Variants in SEPTIN14 observed in about 807,000 individuals in gnomAD.
SEPTIN14 encodes the protein septin 14.
In SEPTIN14, 40 loss-of-function variants were observed where a neutral mutation model predicts 53.6. That is an observed-to-expected ratio of 0.75 (90% CI 0.58 to 0.97). The LOEUF (loss-of-function observed/expected upper bound fraction) is 0.97. SEPTIN14 is among the 50% of genes least tolerant of loss of function. The pLI is 0.00. For missense variants in SEPTIN14, 471 were observed against 508.2 expected (o/e 0.93, Z 0.70); for synonymous variants, 138 against 166.8 (o/e 0.83, Z 1.33).
At chr7:55,823,299 C>T (rs1012979125) in intron 6 of SEPTIN14, among the ~76,000 whole-genome samples, 1 of 152,104 alleles carries the variant, frequency 6.6e-6, no homozygotes, top group Non-Finnish European at 1.5e-5. Flanking sequence ...ACTCACAAAC[C>T]AATCAGCATG....
intron 6 of SEPTIN14, among the ~76,000 whole-genome samples, chr7:55,833,600 T>C (rs1008381047): frequency 2.6e-5 from 4 of 151,188 alleles, no homozygotes; most frequent in Non-Finnish European, 4.4e-5. Flanking sequence ...CCCAGCTACT[T>C]GGGAGGCTGA....
At chr7:55,854,246 T>C (rs1789568923) in intron 2 of SEPTIN14, among the ~76,000 whole-genome samples, 1 of 152,146 alleles carries the variant, frequency 6.6e-6, no homozygotes. Context: ...GAATACCCAT[T>C]TGTGATTTTT....
At chr7:55,811,129 C>G (rs1314891024) in intron 7 of SEPTIN14, 1 of 481,494 alleles carries the variant, frequency 2.1e-6, no homozygotes. Context: ...GCGGTGATAT[C>G]CAGGTCAGCT....
At chr7:55,846,141 G>T (rs1474678164) in intron 3 of SEPTIN14, among the ~76,000 whole-genome samples, 1 of 131,872 alleles carries the variant, frequency 7.6e-6, no homozygotes, top group African/African-American at 2.8e-5. Flanking sequence ...AATGGAAAAA[G>T]AAAGTATATA....
Position 55,807,130 on chromosome 7 carries a change from T to A in SEPTIN14, c.946A>T (p.Met316Leu), listed in dbSNP as rs752678358. The change falls in exon 8 of 10, where the codon ATG becomes TTG. Residue 316 changes from methionine (M) to leucine (L), a missense_variant. Met to Leu is a conservative substitution (Grantham distance 15). Transcript: ENST00000388975. ...TTTGGACCCACATCTGTAAAGCCCA[T>A]TTTCTGCAGTTTTTGGTACCTATAA... is the stretch of plus-strand genomic sequence containing the variant. ...ECYRYQKLQK[M>L]GFTDVGPNNQ... 6.2e-7 allele frequency: 1 copy of A among 1,604,168 alleles called. No homozygotes were observed. Among genetic ancestry groups the A allele is most frequent in the Non-Finnish European group, 8.5e-7 (1 of 1,177,290 alleles).
At chr7:55,829,709 A>G (rs1313010560) in intron 6 of SEPTIN14, among the ~76,000 whole-genome samples, 1 of 151,056 alleles carries the variant, frequency 6.6e-6, no homozygotes, top group African/African-American at 2.4e-5. Flanking sequence ...CAAGTCTGCA[A>G]CAAAAAATGG....
Position 55,843,077 on chromosome 7 carries a change from T to C in SEPTIN14, c.423A>G (p.Gln141=). ...AGGAACGTTTAATCTTCAGTTCTTC[T>C]TGAAGATAGGCCTCAAATTGGGCAT... ...YIDAQFEAYL[Q]EELKIKRSLF... The change falls in exon 5 of 10, where the codon CAA becomes CAG. Residue 141 remains glutamine, a synonymous_variant. Transcript: ENST00000388975. 1.9e-6 allele frequency: 3 copies of C among 1,606,392 alleles called. No homozygotes were observed. The highest frequency in any genetic ancestry group is 1.1e-5 in the South Asian group (1 of 89,088).
intron 2 of SEPTIN14, among the ~76,000 whole-genome samples, chr7:55,853,623 C>T (rs750318212): frequency 3.3e-5 from 5 of 151,804 alleles, no homozygotes; most frequent in Non-Finnish European, 5.9e-5. Flanking sequence ...CACAACAGGG[C>T]GACTATAGTC....
chr7:55,844,652 T>C lies in SEPTIN14; in HGVS notation c.242A>G (p.Lys81Arg), dbSNP rs185819537. The part of the protein sequence containing the change: ...TLFNTNLKDN[K>R]SSHFYSNVGL... ...AACATTTGAGTAAAAATGTGAGGATTTGTTATCTTTCAAGTTAGTATTAAA... is the reference window on the plus strand; with the variant it reads ...AACATTTGAGTAAAAATGTGAGGATCTGTTATCTTTCAAGTTAGTATTAAA... Residue 81 changes from lysine to arginine, a missense_variant, in exon 4 of 10, where the codon AAA (lysine) becomes AGA (arginine). By Grantham distance (26) the Lys-to-Arg change is conservative. Coordinates refer to ENST00000388975, the MANE Select transcript of SEPTIN14 (RefSeq NM_207366.3). The C allele has an allele frequency of 2.1e-3, 3,392 of 1,610,928 alleles. 4 individuals are homozygous for C. Among genetic ancestry groups the C allele is most frequent in the Non-Finnish European group, 2.6e-3 (3,054 of 1,177,534 alleles).
chr7:55,829,721 C>T (rs1562713075), intron 6 of SEPTIN14, among the ~76,000 whole-genome samples: 1 of 144,728 alleles, frequency 6.9e-6, no homozygotes, highest in African/African-American at 2.5e-5. Context: ...AAAAAATGGC[C>T]TCTTCCAGAG....
rs1357254961 is a variant in SEPTIN14, at chr7:55,846,636, T to C, written c.56A>G (p.Gln19Arg). ...PTQIPADGDT[Q>R]KENNIRCLTT... Reference sequence around the variant, plus strand: ...TAAACAACGAATATTATTTTCTTTTTGCTTAAATAAAACAAAAATTTAGAG... The same window carrying C: ...TAAACAACGAATATTATTTTCTTTTCGCTTAAATAAAACAAAAATTTAGAG... The change falls in exon 3 of 10, where the codon CAA becomes CGA. Residue 19 changes from glutamine (Q) to arginine (R), a missense_variant and splice_region_variant. By Grantham distance (43) the Gln-to-Arg change is conservative. Coordinates refer to ENST00000388975, the MANE Select transcript of SEPTIN14 (RefSeq NM_207366.3). 1.4e-6 allele frequency: 2 copies of C among 1,459,632 alleles called. No homozygotes were observed. The highest frequency in any genetic ancestry group is 4.6e-5 in the East Asian group (2 of 43,744). 90.4% of individuals were successfully genotyped at this position (1,459,632 alleles called of 1,614,324 possible).
chr7:55,812,214 C>T (rs1484758681), intron 7 of SEPTIN14, among the ~76,000 whole-genome samples: 2 of 152,070 alleles, frequency 1.3e-5, no homozygotes, highest in Non-Finnish European at 2.9e-5. Flanking sequence ...AATCTAAATG[C>T]CCATCAACAA....
intron 6 of SEPTIN14, among the ~76,000 whole-genome samples, chr7:55,819,818 C>T: frequency 6.6e-6 from 1 of 152,112 alleles, no homozygotes. Flanking sequence ...TCATTTTTCT[C>T]ACACTATGTT....
intron 5 of SEPTIN14, among the ~76,000 whole-genome samples, chr7:55,837,025 T>G (rs553266725): frequency 6.6e-6 from 1 of 151,900 alleles, no homozygotes; most frequent in African/African-American, 2.4e-5. Context: ...TAGGGCTGAG[T>G]GCAGAAAAGA....
Position 55,860,742 on chromosome 7 carries a change from A to G in SEPTIN14, c.54+1201T>C, listed in dbSNP as rs576364451. Among the ~76,000 whole-genome samples, 5 of 152,290 alleles carry G rather than the reference A, an allele frequency of 3.3e-5. No homozygotes were observed. In the East Asian group the frequency reaches 7.7e-4, roughly 23 times the overall value. The stretch of plus-strand genomic sequence containing the variant: ...TAGGTCATATGGCTCCACCCACATG[A>G]ATAGGACTAGTGCTTTTATAACAGA... On this transcript the variant is annotated intron_variant, in intron 2 of 9. Coordinates refer to ENST00000388975, the MANE Select transcript of SEPTIN14 (RefSeq NM_207366.3).
chr7:55,816,176 G>A (rs553771032), intron 7 of SEPTIN14, among the ~76,000 whole-genome samples: 1 of 152,154 alleles, frequency 6.6e-6, no homozygotes, highest in Admixed American at 6.6e-5. Flanking sequence ...GATAAAGAGT[G>A]GAATGTTGAT....
Position 55,793,970 on chromosome 7 carries a change from G to C in SEPTIN14, c.*1943C>G, listed in dbSNP as rs757904248. On this transcript the variant is annotated 3_prime_UTR_variant, in exon 10 of 10. Transcript: ENST00000388975. ...GGAAACTCTATTTCACATGAAACTG[G>C]AGCTGAAAGAGACAAATATTTACTT... The C allele has an allele frequency of 1.3e-4, 19 of 151,960 alleles. No homozygotes were observed. Among genetic ancestry groups the C allele is most frequent in the Non-Finnish European group, 1.8e-4 (12 of 67,958 alleles). The allele number at this position is 151,960 out of a possible 1,614,324, so 9.4% of individuals were successfully genotyped here.
chr7:55,841,791 G>T (rs1174994299), intron 5 of SEPTIN14, among the ~76,000 whole-genome samples: 3 of 150,088 alleles, frequency 2.0e-5, no homozygotes, highest in African/African-American at 7.4e-5. Flanking sequence ...GGAGGTGGAG[G>T]TTGCAGTGAG....
chr7:55,826,069 T>G (rs905771633), intron 6 of SEPTIN14, among the ~76,000 whole-genome samples: 8 of 150,936 alleles, frequency 5.3e-5, no homozygotes, highest in African/African-American at 2.0e-4. Context: ...GCCACTGCAC[T>G]CCAGCCTGGC....
Sources: allele counts gnomAD v4.1 joint callset (sites outside exome capture counted in the v4.1 genomes callset), GRCh38; gene constraint gnomAD v4.1.1; transcripts MANE v1.5; gene names NCBI Gene and HGNC (gene_info 2026-07-23, HGNC 2026-07-21).